Variants in SETD1A observed in about 807,000 individuals in gnomAD.
SETD1A encodes SET domain containing 1A, histone lysine methyltransferase, also known as histone-lysine N-methyltransferase SETD1A.
Under a neutral mutation model 149.9 loss-of-function variants are expected in SETD1A, and 29 were observed. That is an observed-to-expected ratio of 0.19 (90% CI 0.14 to 0.26). SETD1A has a LOEUF of 0.26. Ranked by LOEUF, SETD1A falls within the 10% of genes least tolerant of loss-of-function variation. SETD1A has a pLI of 1.00. For synonymous variants in SETD1A, 1,141 were observed against 968.5 expected (o/e 1.18, Z -3.31); for missense variants, 2,109 against 2,353.1 (o/e 0.90, Z 2.15).
chr16:30,977,976 C>T (rs2056304338), intron 13 of SETD1A, among the ~76,000 whole-genome samples: 1 of 152,132 alleles, frequency 6.6e-6, no homozygotes, highest in African/African-American at 2.4e-5. Flanking sequence ...GTTTTCCTGT[C>T]TGTAAGATAG....
intron 12 of SETD1A, 48 bp downstream of exon 12, chr16:30,969,737 G>A (rs962528097): frequency 1.2e-5 from 17 of 1,467,312 alleles, no homozygotes; most frequent in Admixed American, 1.7e-5. Context: ...GGAGGGGTTC[G>A]GCTGCCTGGC....
intron 13 of SETD1A, among the ~76,000 whole-genome samples, chr16:30,977,878 C>T (rs745390996): frequency 5.3e-5 from 8 of 152,198 alleles, no homozygotes; most frequent in African/African-American, 4.8e-5. Flanking sequence ...AGTCCGTGGG[C>T]TGCAGTTCAG....
Position 30,981,102 on chromosome 16 carries a change from C to T in SETD1A, c.4734C>T (p.His1578=), listed in dbSNP as rs564825614. The T allele has an allele frequency of 5.0e-5, 81 of 1,614,204 alleles. No individual in the cohort carries two copies. In the East Asian group the frequency reaches 1.3e-3, roughly 26 times the overall value. Residue 1578 remains histidine, a synonymous_variant, in exon 17 of 19, where the codon CAC becomes CAT. Coordinates refer to ENST00000262519, the MANE Select transcript of SETD1A (RefSeq NM_014712.3). ...TCCGATTTGGCCGGAGCCGGATCCA[C>T]GAGTGGGGTCTGTTTGCCATGGAAC... is the stretch of plus-strand genomic sequence containing the variant. ...KKLRFGRSRI[H]EWGLFAMEPI... is the part of the protein sequence containing the mutation.
Position 30,984,356 on chromosome 16 carries a change from G to A in SETD1A, c.*333G>A. The A allele has an allele frequency of 3.7e-6, 1 of 273,486 alleles. No homozygotes were observed. The highest frequency in any genetic ancestry group is 7.0e-6 in the Non-Finnish European group (1 of 142,858). 16.9% of individuals were successfully genotyped at this position (273,486 alleles called of 1,614,324 possible). On this transcript the variant is annotated 3_prime_UTR_variant, in exon 19 of 19. Coordinates refer to ENST00000262519, the MANE Select transcript of SETD1A (RefSeq NM_014712.3). ...GGGCTACACAGTCCTCTTGCTTTGTGTTAATGGGGACTTCCCCTTACGCCC... is the reference window on the plus strand; with the variant it reads ...GGGCTACACAGTCCTCTTGCTTTGTATTAATGGGGACTTCCCCTTACGCCC...
At chr16:30,960,654 C>G (rs1441233294) in intron 3 of SETD1A, among the ~76,000 whole-genome samples, 1 of 151,496 alleles carries the variant, frequency 6.6e-6, no homozygotes, top group African/African-American at 2.4e-5. Flanking sequence ...AAAGGCTGAG[C>G]TAGGAAATCA....
intron 4 of SETD1A, among the ~76,000 whole-genome samples, chr16:30,963,222 G>A (rs964842937): frequency 2.6e-5 from 4 of 152,172 alleles, no homozygotes; most frequent in African/African-American, 9.7e-5. Flanking sequence ...GATAAATCGT[G>A]AAGTGTCATA....
Position 30,964,869 on chromosome 16 carries a change from A to G in SETD1A, c.1127A>G (p.Tyr376Cys). Residue 376 changes from tyrosine (Y) to cysteine (C), a missense_variant, in exon 7 of 19, where the codon TAC becomes TGC. Tyr to Cys is a radical substitution (Grantham distance 194). This residue lies in a region of SETD1A where 410 missense variants were observed against 394.8 expected (regional missense o/e 1.04). Coordinates refer to ENST00000262519, the MANE Select transcript of SETD1A (RefSeq NM_014712.3). ...GCGTATTATGAAAGCTGGAATCGCTACCAGCGCCATACTTCCTACCCACCA... is the reference window on the plus strand; with the variant it reads ...GCGTATTATGAAAGCTGGAATCGCTGCCAGCGCCATACTTCCTACCCACCA... ...YPAYYESWNR[Y>C]QRHTSYPPRR... is the part of the protein sequence containing the mutation. 6.2e-7 allele frequency: 1 copy of G among 1,614,126 alleles called. No individual in the cohort carries two copies. The highest frequency in any genetic ancestry group is 8.5e-7 in the Non-Finnish European group (1 of 1,180,016).
chr16:30,969,079 G>A (rs992666236), intron 10 of SETD1A, among the ~76,000 whole-genome samples: 4 of 152,188 alleles, frequency 2.6e-5, no homozygotes, highest in Admixed American at 2.0e-4. Flanking sequence ...CTGCACCCCA[G>A]CCTGAGTGAC....
Position 30,965,704 on chromosome 16 carries a change from C to G in SETD1A, c.1823C>G (p.Pro608Arg). 3 of 1,591,842 alleles carry G rather than the reference C, an allele frequency of 1.9e-6. No individual in the cohort carries two copies. The highest frequency in any genetic ancestry group is 1.4e-5 in the African/African-American group (1 of 73,372). ...CCCCCTCAGCAGCCTCCGCCACCTC[C>G]CCCTCCCCCGCCGCCTCCTCCTCCC... ...PTPPQQPPPPPPPPPPPPPYL... is the reference protein window; with the variant it reads ...PTPPQQPPPPRPPPPPPPPYL... The change falls in exon 8 of 19, where the codon CCC becomes CGC. Residue 608 changes from proline (P) to arginine (R), a missense_variant. Physicochemically the swap from Pro to Arg is moderately radical, Grantham distance 103 (BLOSUM62 -2). Coordinates refer to ENST00000262519, the MANE Select transcript of SETD1A (RefSeq NM_014712.3).
intron 12 of SETD1A, among the ~76,000 whole-genome samples, chr16:30,970,267 ATTTT>A (rs34020035): frequency 1.7e-5 from 2 of 117,784 alleles, no homozygotes; most frequent in African/African-American, 3.4e-5. Flanking sequence ...CCACACCCAG[ATTTT>A]TTTTTTTTTT....
chr16:30,964,999 G>T lies in SETD1A; in HGVS notation c.1257G>T (p.Arg419=), dbSNP rs2056117630. The T allele has an allele frequency of 1.9e-6, 3 of 1,613,610 alleles. No homozygotes were observed. The highest frequency in any genetic ancestry group is 1.1e-5 in the South Asian group (1 of 91,048). ...CCTACCTGCCCCCCGAGCCCAGCCGGCCCACCGACCAGGACTACCGGCCTC... is the reference window on the plus strand; with the variant it reads ...CCTACCTGCCCCCCGAGCCCAGCCGTCCCACCGACCAGGACTACCGGCCTC... ...YTSYLPPEPS[R]PTDQDYRPPA... Residue 419 remains arginine (R), a synonymous_variant, in exon 7 of 19, where the codon CGG becomes CGT. Transcript: ENST00000262519.
intron 5 of SETD1A, among the ~76,000 whole-genome samples, chr16:30,963,883 T>C (rs977002837): frequency 5.3e-5 from 8 of 152,144 alleles, no homozygotes; most frequent in Admixed American, 3.9e-4. Context: ...TCCTAGCTAC[T>C]TGGGAGGCTG....
chr16:30,971,321 A>C, intron 12 of SETD1A, 57 bp from the exon 13 acceptor site: 1 of 1,517,456 alleles, frequency 6.6e-7, no homozygotes, highest in Admixed American at 2.0e-5. Flanking sequence ...TGAGGAGCCC[A>C]CGGCTGGCCA....
At position 30,969,319 on chromosome 16, in the gene SETD1A, A is replaced by C. The variant is rs757010382; in HGVS notation, c.2785A>C (p.Lys929Gln). ...TGCTGGCCTAGACCCTGAACAAGAG[A>C]AGGAGGCTGGAGAGCCAGGACGTCC... ...EEDEDDPEQE[K>Q]EAGEPGRPGT... The change falls in exon 11 of 19, where the codon AAG becomes CAG. Residue 929 changes from lysine to glutamine, a missense_variant. By Grantham distance (53) the Lys-to-Gln change is moderately conservative (BLOSUM62 1). Transcript: ENST00000262519. 1 of 1,613,834 alleles carries C rather than the reference A, an allele frequency of 6.2e-7. No homozygotes were observed. Among genetic ancestry groups the C allele is most frequent in the African/African-American group, 1.3e-5 (1 of 74,906 alleles).
intron 1 of SETD1A, chr16:30,958,465 G>C (rs2055997517): frequency 2.1e-6 from 1 of 467,126 alleles, no homozygotes; most frequent in African/African-American, 2.0e-5. Context: ...GCGCGCTAGG[G>C]AGAGCGGGAA....
chr16:30,969,512 G>C (rs769982434), intron 11 of SETD1A, 50 bp downstream of exon 11: 1 of 1,599,274 alleles, frequency 6.3e-7, no homozygotes, highest in East Asian at 2.3e-5. Context: ...CCCATAGCCA[G>C]CATCTTTGTG....
At chr16:30,972,519 T>G (rs2056237579) in intron 13 of SETD1A, among the ~76,000 whole-genome samples, 1 of 151,974 alleles carries the variant, frequency 6.6e-6, no homozygotes, top group Non-Finnish European at 1.5e-5. Flanking sequence ...GCACCTGTAG[T>G]GCCAGCTACT....
chr16:30,965,591 G>A lies in SETD1A; in HGVS notation c.1720-10G>A, dbSNP rs372051537. On this transcript the variant is annotated splice_polypyrimidine_tract_variant and intron_variant, in intron 7 of 18. Transcript: ENST00000262519. ...CAGAAGCCTTCTGTGACCCTCTTCTGCCCCCGCAGGCTTCTCCATGCTCTT... is the reference window on the plus strand; with the variant it reads ...CAGAAGCCTTCTGTGACCCTCTTCTACCCCCGCAGGCTTCTCCATGCTCTT... 2 of 1,611,322 alleles carry A rather than the reference G, an allele frequency of 1.2e-6. No individual in the cohort carries two copies. The highest frequency in any genetic ancestry group is 1.7e-5 in the Admixed American group (1 of 59,620).
At position 30,966,990 on chromosome 16, in the gene SETD1A, G is replaced by A; in HGVS notation, c.2612G>A (p.Gly871Asp). The stretch of plus-strand genomic sequence containing the variant: ...CTCGTGGACTGGGCCAAGAGCGGGG[G>A]CACTACGGGCATCGAGGCTTTCGCC... ...LSLVDWAKSG[G>D]TTGIEAFAFG... The change falls in exon 9 of 19, where the codon GGC becomes GAC. Residue 871 changes from glycine to aspartate, a missense_variant. By Grantham distance (94) the Gly-to-Asp change is moderately conservative. This residue lies in a region of SETD1A where 832 missense variants were observed against 815.6 expected (regional missense o/e 1.02). Transcript: ENST00000262519. 6.3e-7 allele frequency: 1 copy of A among 1,596,048 alleles called. No individual in the cohort carries two copies. The highest frequency in any genetic ancestry group is 1.1e-5 in the South Asian group (1 of 88,056).
Sources: gnomAD v4.1 joint callset for allele counts (sites outside exome capture counted in the v4.1 genomes callset) on GRCh38, gnomAD v4.1.1 for gene constraint, gnomAD v4.1.1 regional missense constraint, MANE v1.5 for transcripts, NCBI Gene and HGNC (gene_info 2026-07-23, HGNC 2026-07-21) for gene names.